The following GNG4 variants were observed in gnomAD, a reference collection of about 807,000 sequenced individuals.
GNG4 encodes G protein subunit gamma 4, also known as guanine nucleotide-binding protein G(I)/G(S)/G(O) subunit gamma-4.
A neutral mutation model predicts 5.8 loss-of-function variants in GNG4; 4 were observed. That is an observed-to-expected ratio of 0.69 (90% CI 0.34 to 1.57). The LOEUF (loss-of-function observed/expected upper bound fraction) is 1.57. Ranked by LOEUF, GNG4 falls within the 40% of genes most tolerant of loss-of-function variation. The pLI is 0.06. For missense variants in GNG4, 96 were observed against 95.1 expected (o/e 1.01, Z -0.04); for synonymous variants, 29 against 32.9 (o/e 0.88, Z 0.41).
At chr1:235,605,952 G>A (rs1265500290) in intron 1 of GNG4, among the ~76,000 whole-genome samples, 1 of 102,980 alleles carries the variant, frequency 9.7e-6, no homozygotes, top group African/African-American at 3.5e-5. Context: ...TTGATTGAGA[G>A]TGTGGGGGGG....
chr1:235,582,674 G>A (rs576485767), intron 3 of GNG4, among the ~76,000 whole-genome samples: 27 of 152,268 alleles, frequency 1.8e-4, no homozygotes, highest in Admixed American at 9.8e-4. Flanking sequence ...CCCTCCTCTA[G>A]TCTAGAGACC....
chr1:235,640,656 C>T (rs1657298455), intron 1 of GNG4, among the ~76,000 whole-genome samples: 1 of 152,246 alleles, frequency 6.6e-6, no homozygotes, highest in South Asian at 2.1e-4. Context: ...CGCCTGAATC[C>T]CGGCAGGGTG....
chr1:235,617,909 GAAAGA>G (rs1553371104), intron 1 of GNG4, among the ~76,000 whole-genome samples: 2 of 137,362 alleles, frequency 1.5e-5, no homozygotes, highest in Non-Finnish European at 3.2e-5. Context: ...AAAAAAAAAA[GAAAGA>G]AAAGAAAAGA....
intron 3 of GNG4, among the ~76,000 whole-genome samples, chr1:235,577,137 C>T (rs1687502826): frequency 6.6e-6 from 1 of 152,194 alleles, no homozygotes; most frequent in Admixed American, 6.5e-5. Context: ...CAATAAGCTA[C>T]AGAGCCTGGT....
intron 2 of GNG4, among the ~76,000 whole-genome samples, chr1:235,584,743 AAAGCCTG>A (rs1687720846): frequency 1.3e-5 from 2 of 152,330 alleles, no homozygotes; most frequent in Admixed American, 1.3e-4. Flanking sequence ...GCCTAAAACT[AAAGCCTG>A]AGAGCTGGGG....
chr1:235,643,218 G>A lies in GNG4; in HGVS notation c.-123+6444C>T, dbSNP rs533263167. On this transcript the variant is annotated intron_variant, in intron 1 of 3. Coordinates refer to ENST00000391854, the MANE Select transcript of GNG4 (RefSeq NM_001098722.2). Reference sequence around the variant, plus strand: ...ACGGTCAGTCTCACCTTCACACCCCGGCTCTGAGCAACCTTTCTGCTCTCT... The same window carrying A: ...ACGGTCAGTCTCACCTTCACACCCCAGCTCTGAGCAACCTTTCTGCTCTCT... Among the ~76,000 whole-genome samples, 11 of 152,186 alleles carry A rather than the reference G, an allele frequency of 7.2e-5. No individual in the cohort carries two copies. The South Asian group carries it at 1.9e-3, about 26-fold the overall frequency.
At position 235,648,258 on chromosome 1, in the gene GNG4, G is replaced by A. The variant is rs576800492; in HGVS notation, c.-123+1404C>T. Among the ~76,000 whole-genome samples the A allele has an allele frequency of 6.6e-6, 1 of 152,278 alleles. No individual in the cohort carries two copies. The highest frequency in any genetic ancestry group is 2.4e-5 in the African/African-American group (1 of 41,550). On this transcript the variant is annotated intron_variant, in intron 1 of 3. Coordinates refer to ENST00000391854, the MANE Select transcript of GNG4 (RefSeq NM_001098722.2). The surrounding 1 kb of genome is among the most constrained non-coding windows in gnomAD (Gnocchi z 5.0). The stretch of plus-strand genomic sequence containing the variant: ...GCCTAACTAACCCCATGGTGAGGCT[G>A]CTCATTAACAGGCAAGGCATCACTG...
intron 1 of GNG4, among the ~76,000 whole-genome samples, chr1:235,643,128 C>G (rs765786095): frequency 6.6e-6 from 1 of 152,204 alleles, no homozygotes; most frequent in African/African-American, 2.4e-5. Flanking sequence ...CACAGCCAGA[C>G]GGCCAAGGTG....
At chr1:235,621,052 T>TG (rs770737306) in intron 1 of GNG4, among the ~76,000 whole-genome samples, 2 of 152,068 alleles carry the variant, frequency 1.3e-5, no homozygotes, top group Non-Finnish European at 2.9e-5. Context: ...AGGCTGCCCC[T>TG]GTCCTTGCTC....
chr1:235,647,397 C>A (rs1180747860), intron 1 of GNG4, among the ~76,000 whole-genome samples: 1 of 151,832 alleles, frequency 6.6e-6, no homozygotes, highest in Non-Finnish European at 1.5e-5. Context: ...AGGCATTCTC[C>A]CCTCTCCAAG....
intron 1 of GNG4, among the ~76,000 whole-genome samples, chr1:235,607,714 C>A (rs1647151868): frequency 6.6e-6 from 1 of 152,134 alleles, no homozygotes; most frequent in South Asian, 2.1e-4. Flanking sequence ...TTTCAGTATT[C>A]TTGCTAGGGT....
chr1:235,563,148 C>T (rs1172716409), intron 3 of GNG4, among the ~76,000 whole-genome samples: 4 of 152,154 alleles, frequency 2.6e-5, no homozygotes, highest in Admixed American at 6.5e-5. Flanking sequence ...ATAGGCCAGG[C>T]GTGATGGCTC....
intron 1 of GNG4, among the ~76,000 whole-genome samples, chr1:235,602,827 T>A (rs1292296400): frequency 6.6e-6 from 1 of 152,210 alleles, no homozygotes; most frequent in African/African-American, 2.4e-5. Context: ...TCGTGAGCAT[T>A]AAGATTCCCC....
chr1:235,558,850 G>A (rs1030123282), intron 3 of GNG4, among the ~76,000 whole-genome samples: 6 of 152,200 alleles, frequency 3.9e-5, no homozygotes, highest in Admixed American at 1.3e-4. Context: ...AGAGTTACAA[G>A]ACAACAGATG....
intron 1 of GNG4, among the ~76,000 whole-genome samples, chr1:235,617,889 TAAAA>T (rs34128028): frequency 9.1e-6 from 1 of 109,716 alleles, no homozygotes. Flanking sequence ...TGCCTCTATC[TAAAA>T]AAAAAAAAAA....
intron 2 of GNG4, among the ~76,000 whole-genome samples, chr1:235,584,392 GCCTCT>G (rs1226100509): frequency 6.6e-6 from 1 of 152,150 alleles, no homozygotes; most frequent in Non-Finnish European, 1.5e-5. Context: ...GTCTCAAATG[GCCTCT>G]CCTAACAATC....
chr1:235,554,673 G>A (rs1461875920), intron 3 of GNG4, among the ~76,000 whole-genome samples: 6 of 151,840 alleles, frequency 4.0e-5, no homozygotes, highest in Admixed American at 2.6e-4. Context: ...GTGAAACCCC[G>A]TCTCTACAAA....
chr1:235,587,395 G>A, intron 2 of GNG4, among the ~76,000 whole-genome samples: 1 of 99,390 alleles, frequency 1.0e-5, no homozygotes, highest in South Asian at 4.0e-4. Context: ...ACGTGTGTGA[G>A]CATGTATGAG....
chr1:235,580,910 C>T (rs1687617978), intron 3 of GNG4, among the ~76,000 whole-genome samples: 1 of 151,930 alleles, frequency 6.6e-6, no homozygotes, highest in African/African-American at 2.4e-5. Context: ...GTCACCAGAC[C>T]CAGCTAATTT....
Sources: gnomAD v4.1 joint callset for allele counts (sites outside exome capture counted in the v4.1 genomes callset) on GRCh38, gnomAD v4.1.1 for gene constraint, Gnocchi (gnomAD v3.1) non-coding constraint, MANE v1.5 for transcripts, NCBI Gene and HGNC (gene_info 2026-07-23, HGNC 2026-07-21) for gene names.